SGK3: variants seen among roughly 807,000 people sequenced by gnomAD.
SGK3 encodes the protein serum/glucocorticoid regulated kinase family member 3, also known as serine/threonine-protein kinase Sgk3.
A neutral mutation model predicts 68.5 loss-of-function variants in SGK3; 47 were observed. That is an observed-to-expected ratio of 0.69 (90% confidence interval 0.54 to 0.87). The LOEUF is 0.87. Ranked by LOEUF, SGK3 falls within the 40% of genes least tolerant of loss-of-function variation. SGK3 has a pLI of 0.00. For missense variants in SGK3, 479 were observed against 575.5 expected (o/e 0.83, Z 1.72); for synonymous variants, 181 against 189.1 (o/e 0.96, Z 0.35).
intron 1 of SGK3, among the ~76,000 whole-genome samples, chr8:66,777,618 G>A (rs1165872073): frequency 1.3e-5 from 2 of 152,146 alleles, no homozygotes; most frequent in Admixed American, 1.3e-4. Context: ...TGCCTCTCCT[G>A]TTGTTGCCAA....
At chr8:66,805,620 C>T (rs1421660201) in intron 4 of SGK3, among the ~76,000 whole-genome samples, 3 of 152,104 alleles carry the variant, frequency 2.0e-5, no homozygotes, top group Non-Finnish European at 4.4e-5. Context: ...ATGACTAAAG[C>T]TGCAGGCATG....
chr8:66,780,827 A>G (rs779602803), intron 1 of SGK3, among the ~76,000 whole-genome samples: 2 of 152,286 alleles, frequency 1.3e-5, no homozygotes, highest in Non-Finnish European at 2.9e-5. Flanking sequence ...AAATTATCAG[A>G]TTTACAGTGA....
At chr8:66,763,325 A>G (rs771001519) in intron 1 of SGK3, among the ~76,000 whole-genome samples, 7 of 152,168 alleles carry the variant, frequency 4.6e-5, no homozygotes, top group Admixed American at 6.5e-5. Context: ...TTCAATTCAT[A>G]ATGGTGATTC....
chr8:66,718,831 T>C (rs1804718609), intron 1 of SGK3, among the ~76,000 whole-genome samples: 1 of 152,134 alleles, frequency 6.6e-6, no homozygotes, highest in Non-Finnish European at 1.5e-5. Context: ...CCCGGCCACA[T>C]GTATGTTTTA....
At chr8:66,801,415 A>G (rs956918110) in intron 3 of SGK3, among the ~76,000 whole-genome samples, 2 of 152,212 alleles carry the variant, frequency 1.3e-5, no homozygotes, top group Non-Finnish European at 2.9e-5. Flanking sequence ...GTACATGGAA[A>G]TATCTTTCAT....
chr8:66,785,502 C>T (rs1424083358), intron 1 of SGK3, among the ~76,000 whole-genome samples: 1 of 152,028 alleles, frequency 6.6e-6, no homozygotes, highest in African/African-American at 2.4e-5. Flanking sequence ...TTTTTGTTGT[C>T]GGGCAGTCCT....
intron 16 of SGK3, among the ~76,000 whole-genome samples, chr8:66,858,084 A>G (rs1358790986): frequency 6.6e-6 from 1 of 152,136 alleles, no homozygotes; most frequent in Non-Finnish European, 1.5e-5. Context: ...TTATTATTTT[A>G]CTTATAACCG....
At chr8:66,834,718 G>A (rs1410293197) in intron 8 of SGK3, among the ~76,000 whole-genome samples, 1 of 152,048 alleles carries the variant, frequency 6.6e-6, no homozygotes, top group African/African-American at 2.4e-5. Flanking sequence ...TGGATCACAA[G>A]GCCAGGAAAT....
At chr8:66,728,541 G>C (rs1364589880) in intron 1 of SGK3, among the ~76,000 whole-genome samples, 2 of 151,946 alleles carry the variant, frequency 1.3e-5, no homozygotes, top group Admixed American at 1.3e-4. Context: ...TGGCCAGGTT[G>C]GTCTCGAACT....
chr8:66,812,753 A>G (rs1247993794), intron 4 of SGK3, among the ~76,000 whole-genome samples: 1 of 152,194 alleles, frequency 6.6e-6, no homozygotes, highest in Non-Finnish European at 1.5e-5. Flanking sequence ...TGAGGTATAA[A>G]TATTGTTACT....
At position 66,789,608 on chromosome 8, in the gene SGK3, G is replaced by T. The variant is rs796712216; in HGVS notation, c.-121-4008G>T. On this transcript the variant is annotated intron_variant, in intron 1 of 16. Transcript: ENST00000521198. ...TCTGGAAGTCCCACTTTGACTTGTA[G>T]ACCATGTTTTGGGTCTCTAGGAGAT... Among the ~76,000 whole-genome samples the T allele has an allele frequency of 2.6e-5, 4 of 152,318 alleles. No homozygotes were observed. In the East Asian group the frequency reaches 7.7e-4, roughly 29 times the overall value.
rs184533673 is a variant in SGK3, at chr8:66,767,520, G to T, written c.-121-26096G>T. The T allele has an allele frequency of 1.0e-3, 1,576 of 1,512,602 alleles. 15 individuals are homozygous for T. In the African/African-American group the frequency reaches 0.016, roughly 16 times the overall value. 93.7% of individuals were successfully genotyped at this position (1,512,602 alleles called of 1,614,324 possible). A position where few individuals can be genotyped will look rare whatever the true frequency, so the allele number is the denominator to read the frequency against. On this transcript the variant is annotated intron_variant, in intron 1 of 16. Transcript: ENST00000521198. ...AGGGCATCTTCAAAGGTGAAGGGGG[G>T]CCCAGCTGAAACAGCTTTTCAAGCT... is the stretch of plus-strand genomic sequence containing the variant.
At chr8:66,760,330 C>CTTTTTTTTTTTTTTTTTTTTT (rs201559163) in intron 1 of SGK3, among the ~76,000 whole-genome samples, 9 of 115,646 alleles carry the variant, frequency 7.8e-5, no homozygotes, top group Non-Finnish European at 9.1e-5. Context: ...TTTCTTTTTT[C>CTTTTTTTTTTTTTTTTTTTTT]TTTTTTTTTT....
chr8:66,747,613 A>G (rs963714869), intron 1 of SGK3, among the ~76,000 whole-genome samples: 2 of 151,960 alleles, frequency 1.3e-5, no homozygotes, highest in Non-Finnish European at 2.9e-5. Context: ...GCGAGAGTGC[A>G]GTGATGTGAT....
chr8:66,805,230 A>G (rs1344929926), intron 4 of SGK3, among the ~76,000 whole-genome samples: 2 of 151,370 alleles, frequency 1.3e-5, no homozygotes, highest in African/African-American at 4.9e-5. Flanking sequence ...TACCAAAAAG[A>G]TATCCTAAGC....
At chr8:66,725,594 G>A (rs1454838879) in intron 1 of SGK3, among the ~76,000 whole-genome samples, 6 of 151,550 alleles carry the variant, frequency 4.0e-5, no homozygotes, top group South Asian at 2.1e-4. Flanking sequence ...TATATCTAGC[G>A]TTCTTTTTCC....
chr8:66,847,947 G>A (rs754990282), intron 15 of SGK3, among the ~76,000 whole-genome samples: 12 of 151,260 alleles, frequency 7.9e-5, no homozygotes, highest in Non-Finnish European at 1.6e-4. Context: ...TTCAAATAAG[G>A]GTAATTAAAT....
chr8:66,729,434 C>T (rs575582676), intron 1 of SGK3, among the ~76,000 whole-genome samples: 22 of 151,078 alleles, frequency 1.5e-4, no homozygotes, highest in African/African-American at 4.1e-4. Context: ...CCAGTCTGGG[C>T]GACAGAGCGA....
chr8:66,835,932 CT>C lies in SGK3; in HGVS notation c.610-5del. 1 of 1,612,206 alleles carries C rather than the reference CT, an allele frequency of 6.2e-7. No individual in the cohort carries two copies. The highest frequency in any genetic ancestry group is 8.5e-7 in the Non-Finnish European group (1 of 1,179,336). On this transcript the variant is annotated splice_polypyrimidine_tract_variant and intron_variant, in intron 9 of 16. Transcript: ENST00000521198. Reference sequence around the variant, plus strand: ...GTGTATAATACAATTGATCTTTTGCCTTTTTTCCAGCAAAAACATATTATGG... The same window carrying C: ...GTGTATAATACAATTGATCTTTTGCCTTTTTCCAGCAAAAACATATTATGG...
Sources: allele counts gnomAD v4.1 joint callset (sites outside exome capture counted in the v4.1 genomes callset), GRCh38; gene constraint gnomAD v4.1.1; transcripts MANE v1.5; gene names NCBI Gene and HGNC (gene_info 2026-07-23, HGNC 2026-07-21).